The following NREP variants were observed in gnomAD, a reference collection of about 807,000 sequenced individuals.
NREP encodes neuronal regeneration related protein.
NREP carries 5 observed loss-of-function variants against 8.6 expected under a neutral mutation model. The observed-to-expected ratio is 0.58, with a 90% confidence interval of 0.30 to 1.22. The LOEUF is 1.22. NREP is among the 50% of genes most tolerant of loss of function. The pLI, the probability that NREP is intolerant of heterozygous loss-of-function variation, is 0.07. For synonymous variants in NREP, 27 were observed against 28.0 expected, an observed-to-expected ratio of 0.96 and a Z score of 0.11; for missense variants, 86 against 82.5, an observed-to-expected ratio of 1.04 and a Z score of -0.17.
intron 2 of NREP, among the ~76,000 whole-genome samples, chr5:111,825,185 T>A (rs1161627138): frequency 2.0e-5 from 3 of 151,980 alleles, no homozygotes; most frequent in Non-Finnish European, 4.4e-5. Context: ...GGATTAAAAA[T>A]AAAACTCAAA....
intron 2 of NREP, among the ~76,000 whole-genome samples, chr5:111,803,393 A>T (rs970865270): frequency 1.4e-4 from 21 of 152,178 alleles, no homozygotes; most frequent in Non-Finnish European, 2.4e-4. Context: ...AATCAACTAA[A>T]TTTTTTGTCT....
In NREP at chr5:111,766,389, G is replaced by A. The variant is rs540146096; in HGVS notation, c.136-30882C>T. ...GATTTGCCTCATTTTGCATCAAAACGTCAGTGCCTTAAAACCTCCAGCTAT... is the reference window on the plus strand; with the variant it reads ...GATTTGCCTCATTTTGCATCAAAACATCAGTGCCTTAAAACCTCCAGCTAT... On this transcript the variant is annotated intron_variant, in intron 2 of 3. Transcript: ENST00000395634. 1.6e-4 allele frequency among the ~76,000 whole-genome samples: 24 copies of A among 152,250 alleles called. No homozygotes were observed. The East Asian group carries it at 2.3e-3, about 15-fold the overall frequency.
intron 2 of NREP, among the ~76,000 whole-genome samples, chr5:111,966,105 G>C (rs556137319): frequency 6.6e-6 from 1 of 152,278 alleles, no homozygotes; most frequent in Non-Finnish European, 1.5e-5. Context: ...AATAGGGCAA[G>C]AAATATTAAA....
chr5:111,890,604 G>A (rs1019836683), intron 2 of NREP, among the ~76,000 whole-genome samples: 15 of 152,360 alleles, frequency 9.8e-5, no homozygotes, highest in Middle Eastern at 6.8e-3. Context: ...AATCTAGGAA[G>A]AGGTTCCCAA....
intron 2 of NREP, among the ~76,000 whole-genome samples, chr5:111,737,525 A>G (rs1301191037): frequency 6.6e-6 from 1 of 152,156 alleles, no homozygotes; most frequent in Admixed American, 6.5e-5. Flanking sequence ...TCAGGTAAGT[A>G]TTGTCATTCT....
intron 2 of NREP, among the ~76,000 whole-genome samples, chr5:111,867,134 TTTAA>T (rs936297350): frequency 1.3e-5 from 2 of 151,258 alleles, no homozygotes; most frequent in Non-Finnish European, 2.9e-5. Flanking sequence ...ACCCTAGAAC[TTTAA>T]TTAAAAAAAA....
At chr5:111,942,688 T>C (rs1444335062) in intron 2 of NREP, among the ~76,000 whole-genome samples, 1 of 151,852 alleles carries the variant, frequency 6.6e-6, no homozygotes, top group Non-Finnish European at 1.5e-5. Flanking sequence ...CCCTTGAAAA[T>C]AGAGTTTTAT....
chr5:111,780,264 A>T (rs989044193), intron 2 of NREP, among the ~76,000 whole-genome samples: 53 of 152,198 alleles, frequency 3.5e-4, no homozygotes, highest in Non-Finnish European at 5.9e-4. Flanking sequence ...GGGACTTTGG[A>T]TTTAAAAAGA....
chr5:111,745,809 T>G (rs1749965878), intron 2 of NREP, among the ~76,000 whole-genome samples: 1 of 152,110 alleles, frequency 6.6e-6, no homozygotes, highest in Non-Finnish European at 1.5e-5. Flanking sequence ...GTATATAAAC[T>G]ACTAAGAATG....
intron 2 of NREP, among the ~76,000 whole-genome samples, chr5:111,888,691 G>T (rs994422279): frequency 3.9e-5 from 6 of 152,152 alleles, no homozygotes; most frequent in Non-Finnish European, 7.3e-5. Flanking sequence ...ACATAGTATA[G>T]CATTGCTAGA....
intron 2 of NREP, among the ~76,000 whole-genome samples, chr5:111,848,341 A>C (rs2112957808): frequency 6.6e-6 from 1 of 152,330 alleles, no homozygotes; most frequent in Non-Finnish European, 1.5e-5. Context: ...ACACAGACTA[A>C]TGCTAAAGCT....
chr5:111,889,874 C>A (rs529298814), intron 2 of NREP, among the ~76,000 whole-genome samples: 1 of 151,464 alleles, frequency 6.6e-6, no homozygotes, highest in African/African-American at 2.4e-5. Context: ...TATTCTCTTG[C>A]GGGCAGGGGT....
At chr5:111,773,495 T>C (rs1017269817) in intron 2 of NREP, among the ~76,000 whole-genome samples, 18 of 152,226 alleles carry the variant, frequency 1.2e-4, no homozygotes, top group Non-Finnish European at 2.5e-4. Flanking sequence ...TGATTATTTA[T>C]TCTACTGAGG....
chr5:111,820,133 T>G (rs912698232), intron 2 of NREP, among the ~76,000 whole-genome samples: 3 of 151,508 alleles, frequency 2.0e-5, no homozygotes, highest in African/African-American at 7.3e-5. Flanking sequence ...TCTCCCACTT[T>G]GACATCTGAT....
chr5:111,800,416 C>T (rs1464293556), intron 2 of NREP, among the ~76,000 whole-genome samples: 4 of 152,216 alleles, frequency 2.6e-5, no homozygotes, highest in Non-Finnish European at 4.4e-5. Flanking sequence ...TGTGCCATTG[C>T]ACAGAAGGGT....
At chr5:111,922,517 T>C (rs924940941) in intron 2 of NREP, among the ~76,000 whole-genome samples, 4 of 152,162 alleles carry the variant, frequency 2.6e-5, no homozygotes, top group Non-Finnish European at 5.9e-5. Flanking sequence ...TGAAGTCTAT[T>C]TGCCAGTCCT....
intron 2 of NREP, among the ~76,000 whole-genome samples, chr5:111,807,837 G>A (rs970720791): frequency 6.6e-6 from 1 of 152,154 alleles, no homozygotes; most frequent in Non-Finnish European, 1.5e-5. Flanking sequence ...CACAGAAAAT[G>A]TCTCAAGTTT....
intron 2 of NREP, among the ~76,000 whole-genome samples, chr5:111,929,897 G>A (rs1755489696): frequency 6.6e-6 from 1 of 152,160 alleles, no homozygotes; most frequent in South Asian, 2.1e-4. Flanking sequence ...GGTTAAGCAA[G>A]TTTAGTCCTC....
At chr5:111,749,258 T>A (rs117270898) in intron 2 of NREP, among the ~76,000 whole-genome samples, 2 of 152,140 alleles carry the variant, frequency 1.3e-5, no homozygotes, top group African/African-American at 4.8e-5. Flanking sequence ...GGAGAAGGCA[T>A]AAAGAATTCA....
Sources: gnomAD v4.1 joint callset for allele counts (sites outside exome capture counted in the v4.1 genomes callset) on GRCh38, gnomAD v4.1.1 for gene constraint, MANE v1.5 for transcripts, NCBI Gene and HGNC (gene_info 2026-07-23, HGNC 2026-07-21) for gene names.